Variants in NXPE2 observed in about 807,000 individuals in gnomAD.
NXPE2 encodes NXPE family member 2.
Under a neutral mutation model 34.4 loss-of-function variants are expected in NXPE2, and 34 were observed. The ratio of observed to expected loss-of-function variants is 0.99; its 90% CI spans 0.75 to 1.31. NXPE2 has a LOEUF of 1.31. Ranked by LOEUF, NXPE2 falls within the 40% of genes most tolerant of loss-of-function variation. The pLI, the probability that NXPE2 is intolerant of heterozygous loss-of-function variation, is 0.00. For missense variants in NXPE2, 649 were observed against 672.5 expected (o/e 0.97, Z 0.39); for synonymous variants, 235 against 231.3 (o/e 1.02, Z -0.15).
chr11:114,605,988 G>T, the NXPE2 span, among the ~76,000 whole-genome samples: 1 of 151,738 alleles, frequency 6.6e-6, no homozygotes, highest in African/African-American at 2.4e-5. Flanking sequence ...TTGTTACCAG[G>T]TGGATACTAA....
the NXPE2 span, among the ~76,000 whole-genome samples, chr11:114,750,172 G>A: frequency 2.1e-3 from 315 of 152,218 alleles, no homozygotes; most frequent in African/African-American, 7.4e-3. Flanking sequence ...CCTACCTAAA[G>A]GTGTTAGAAT....
At chr11:114,571,049 C>T in the NXPE2 span, 14 of 1,613,586 alleles carry the variant, frequency 8.7e-6, no homozygotes, top group African/African-American at 5.3e-5. Flanking sequence ...CAATGATACT[C>T]ACACTGAGAT....
At chr11:114,750,239 A>G in the NXPE2 span, among the ~76,000 whole-genome samples, 3 of 152,180 alleles carry the variant, frequency 2.0e-5, no homozygotes, top group Non-Finnish European at 4.4e-5. Context: ...TTTCTTTGAG[A>G]CAAATTTATC....
chr11:114,695,828 T>C (rs528417088), intron 2 of NXPE2, among the ~76,000 whole-genome samples: 92 of 35,362 alleles, frequency 2.6e-3, no homozygotes, highest in Admixed American at 0.011. Flanking sequence ...ACGTCTCTAC[T>C]AAACACACAC....
chr11:114,742,025 T>A, the NXPE2 span, among the ~76,000 whole-genome samples: 1 of 152,142 alleles, frequency 6.6e-6, no homozygotes, highest in Non-Finnish European at 1.5e-5. Flanking sequence ...TCTGTGGACA[T>A]GCCCACTTCA....
chr11:114,576,712 A>G, the NXPE2 span, among the ~76,000 whole-genome samples: 4 of 152,004 alleles, frequency 2.6e-5, no homozygotes, highest in Admixed American at 2.6e-4. Flanking sequence ...GATGCAGTAA[A>G]AAGGGAACAC....
chr11:114,761,569 T>C, the NXPE2 span, among the ~76,000 whole-genome samples: 1 of 144,172 alleles, frequency 6.9e-6, no homozygotes. Flanking sequence ...CTCTTTTTTT[T>C]TTTTTTTTTT....
the NXPE2 span, among the ~76,000 whole-genome samples, chr11:114,729,155 G>A: frequency 6.6e-6 from 1 of 152,084 alleles, no homozygotes; most frequent in Admixed American, 6.6e-5. Context: ...ACTTATAAGT[G>A]AGAACATGTG....
chr11:114,742,004 C>G, the NXPE2 span, among the ~76,000 whole-genome samples: 34 of 152,234 alleles, frequency 2.2e-4, no homozygotes, highest in Non-Finnish European at 4.6e-4. Flanking sequence ...TTGAGACTTT[C>G]TCAGATTTTT....
chr11:114,652,177 A>G, the NXPE2 span, among the ~76,000 whole-genome samples: 1 of 152,200 alleles, frequency 6.6e-6, no homozygotes, highest in Admixed American at 6.5e-5. Flanking sequence ...ATAAGCAGGG[A>G]GAGAAGGGTC....
chr11:114,741,492 C>T, the NXPE2 span, among the ~76,000 whole-genome samples: 2 of 152,106 alleles, frequency 1.3e-5, no homozygotes, highest in Non-Finnish European at 2.9e-5. Flanking sequence ...ATCCCATAGA[C>T]TTTCTTCACT....
chr11:114,657,555 C>G, the NXPE2 span, among the ~76,000 whole-genome samples: 1 of 152,024 alleles, frequency 6.6e-6, no homozygotes, highest in Non-Finnish European at 1.5e-5. Flanking sequence ...TAGGCCCACA[C>G]TAGATATTGC....
At position 114,706,843 on chromosome 11, in the gene NXPE2, G is replaced by A. The variant is rs1284580974; in HGVS notation, c.1593G>A (p.Met531Ile). 2 of 1,551,916 alleles carry A rather than the reference G, an allele frequency of 1.3e-6. No homozygotes were observed. Among genetic ancestry groups the A allele is most frequent in the East Asian group, 2.4e-5 (1 of 41,078 alleles). ...LNVGIIDAWD[M>I]TIAYCTNNAH... ...TGGGTATTATTGATGCCTGGGACATGACGATTGCATATTGCACCAACAATG... is the reference window on the plus strand; with the variant it reads ...TGGGTATTATTGATGCCTGGGACATAACGATTGCATATTGCACCAACAATG... The change falls in exon 6 of 6, where the codon ATG becomes ATA. Residue 531 changes from methionine to isoleucine, a missense_variant. Coordinates refer to ENST00000389586, the MANE Select transcript of NXPE2 (RefSeq NM_182495.6).
chr11:114,594,268 C>A, the NXPE2 span, among the ~76,000 whole-genome samples: 1 of 152,114 alleles, frequency 6.6e-6, no homozygotes, highest in African/African-American at 2.4e-5. Context: ...GTATTATATG[C>A]TTGTATCAAA....
At chr11:114,499,652 A>G in the NXPE2 span, among the ~76,000 whole-genome samples, 2 of 152,178 alleles carry the variant, frequency 1.3e-5, no homozygotes, top group African/African-American at 4.8e-5. Context: ...AGTGAAATGC[A>G]CATATGTTAA....
the NXPE2 span, among the ~76,000 whole-genome samples, chr11:114,740,114 G>A: frequency 1.3e-5 from 2 of 152,170 alleles, 1 homozygote; most frequent in Admixed American, 1.3e-4. Context: ...GTAAGAAATC[G>A]AGAGCAATAA....
chr11:114,675,779 C>T (rs191002133), upstream of NXPE2, among the ~76,000 whole-genome samples: 65 of 151,832 alleles, frequency 4.3e-4, no homozygotes, highest in African/African-American at 1.2e-3. Context: ...CACAAAAGAC[C>T]GCAAATAGCC....
At chr11:114,537,837 A>G in the NXPE2 span, among the ~76,000 whole-genome samples, 72 of 151,848 alleles carry the variant, frequency 4.7e-4, no homozygotes, top group African/African-American at 1.6e-3. Flanking sequence ...AATCAGTATC[A>G]TGAAAATGGC....
At chr11:114,794,855 C>CG in the NXPE2 span, among the ~76,000 whole-genome samples, 9 of 151,592 alleles carry the variant, frequency 5.9e-5, no homozygotes, top group African/African-American at 2.2e-4. Flanking sequence ...ACCCCCGCCC[C>CG]CCCCAACCCC....
Sources: allele counts gnomAD v4.1 joint callset (sites outside exome capture counted in the v4.1 genomes callset), GRCh38; gene constraint gnomAD v4.1.1; transcripts MANE v1.5; gene names NCBI Gene and HGNC (gene_info 2026-07-23, HGNC 2026-07-21).